Variants in FRMD8 observed in about 807,000 individuals in gnomAD.
The protein encoded by FRMD8 is FERM domain-containing protein 8.
FRMD8 carries 37 observed loss-of-function variants against 54.2 expected under a neutral mutation model. That is an observed-to-expected ratio of 0.68 (90% CI 0.53 to 0.90). FRMD8 has a LOEUF of 0.90. Among genes scored for constraint, FRMD8 ranks in the 40% least tolerant of loss-of-function variants. The pLI is 0.00. For missense variants in FRMD8, 585 were observed against 653.7 expected, an observed-to-expected ratio of 0.89 and a Z score of 1.15; for synonymous variants, 246 against 286.9, an observed-to-expected ratio of 0.86 and a Z score of 1.44.
the FRMD8 span, chr11:65,376,886 G>T: frequency 6.2e-7 from 1 of 1,614,188 alleles, no homozygotes; most frequent in Non-Finnish European, 8.5e-7. Context: ...GATCCCCACC[G>T]TGGGGGTGTC....
At chr11:65,398,716 C>T (rs193087658) in intron 7 of FRMD8, among the ~76,000 whole-genome samples, 324 of 152,248 alleles carry the variant, frequency 2.1e-3, no homozygotes, top group African/African-American at 7.5e-3. Context: ...GTGTGCTGAC[C>T]GGCAGGTGGC....
At chr11:65,387,728 C>T (rs1304720666) in intron 2 of FRMD8, among the ~76,000 whole-genome samples, 4 of 151,906 alleles carry the variant, frequency 2.6e-5, no homozygotes, top group Admixed American at 6.5e-5. Flanking sequence ...TTAGTAGAGA[C>T]GGGGTTTCAT....
Position 65,387,053 on chromosome 11 carries a change from G to A in FRMD8, c.17G>A (p.Gly6Asp). The A allele has an allele frequency of 6.2e-7, 1 of 1,609,240 alleles. No individual in the cohort carries two copies. Among genetic ancestry groups the A allele is most frequent in the Non-Finnish European group, 8.5e-7 (1 of 1,179,984 alleles). ...CCTTTGCAGATGGACGGGACAGAAG[G>A]CAGTGCCGGGCAGCCCGGCCCCGCT... MDGTE[G>D]SAGQPGPAER... Residue 6 changes from glycine (G) to aspartate (D), a missense_variant, in exon 2 of 11, where the codon GGC (glycine) becomes GAC (aspartate). Physicochemically the swap from Gly to Asp is moderately conservative, Grantham distance 94. Coordinates refer to ENST00000317568, the MANE Select transcript of FRMD8 (RefSeq NM_031904.5).
Position 65,411,441 on chromosome 11 carries a change from A to G in FRMD8, c.*81A>G, listed in dbSNP as rs1856330573. 2 of 912,706 alleles carry G rather than the reference A, an allele frequency of 2.2e-6. No individual in the cohort carries two copies. Among genetic ancestry groups the G allele is most frequent in the Admixed American group, 3.0e-5 (1 of 33,214 alleles). 56.5% of individuals were successfully genotyped at this position (912,706 alleles called of 1,614,324 possible). A position where few individuals can be genotyped will look rare whatever the true frequency, so the allele number is the denominator to read the frequency against. On this transcript the variant is annotated 3_prime_UTR_variant, in exon 11 of 11. Transcript: ENST00000317568. ...TCCTGAGGGGCAGGCGCCGGCTGCA[A>G]CAGTCTCATGGGTCACCACGTGGGG...
At chr11:65,405,849 A>G (rs1416175214) in intron 10 of FRMD8, among the ~76,000 whole-genome samples, 4 of 152,006 alleles carry the variant, frequency 2.6e-5, no homozygotes, top group African/African-American at 9.6e-5. Context: ...AAATATACTT[A>G]AACTTAGCTG....
chr11:65,371,640 A>G, the FRMD8 span, among the ~76,000 whole-genome samples: 2 of 152,340 alleles, frequency 1.3e-5, no homozygotes, highest in Non-Finnish European at 2.9e-5. Flanking sequence ...TTTGAGACGA[A>G]GTCTCGCTCT....
chr11:65,401,824 CTTTTTTTTTTTTT>C (rs61275056), intron 9 of FRMD8, among the ~76,000 whole-genome samples: 53 of 119,762 alleles, frequency 4.4e-4, no homozygotes, highest in Non-Finnish European at 8.7e-4. Context: ...TCACAATTTT[CTTTTTTTTTTTTT>C]TTTTTTGAGA....
rs146317650 is a variant in FRMD8 at position 65,396,870 on chromosome 11, G to A, written c.653G>A (p.Gly218Asp). Residue 218 changes from glycine to aspartate, a missense_variant, in exon 7 of 11, where the codon GGC (glycine) becomes GAC (aspartate). Coordinates refer to ENST00000317568, the MANE Select transcript of FRMD8 (RefSeq NM_031904.5). ...CAGAGTCTCTTTGCTGCCCTCCGGGGCCGTGGGGCCAGGGCCGGGCCGGGC... is the reference window on the plus strand; with the variant it reads ...CAGAGTCTCTTTGCTGCCCTCCGGGACCGTGGGGCCAGGGCCGGGCCGGGC... ...RGQSLFAALR[G>D]RGARAGPGEQ... 7 of 1,559,272 alleles carry A rather than the reference G, an allele frequency of 4.5e-6. No homozygotes were observed. The highest frequency in any genetic ancestry group is 2.8e-5 in the African/African-American group (2 of 72,596).
chr11:65,411,169 TG>T, intron 10 of FRMD8, 72 bp from the exon 11 acceptor site: 1 of 1,293,086 alleles, frequency 7.7e-7, no homozygotes, highest in Non-Finnish European at 1.1e-6. Context: ...AGCCAGAACC[TG>T]GCTTCCTGGG....
chr11:65,405,828 C>T (rs1272162121), intron 10 of FRMD8, among the ~76,000 whole-genome samples: 1 of 151,944 alleles, frequency 6.6e-6, no homozygotes, highest in Non-Finnish European at 1.5e-5. Context: ...GAGTGAGACC[C>T]TGTCTCTACA....
Position 65,393,577 on chromosome 11 carries a change from G to A in FRMD8, c.258G>A (p.Val86=), listed in dbSNP as rs760806395. ...ACTCCCCATCTCGTCCTGCAGAGGT[G>A]CAGCTGAAACCCAAGCACCAGCCCT... ...ALWLVSPLLE[V]QLKPKHQPYK... is the part of the protein sequence containing the mutation. The change falls in exon 4 of 11, where the codon GTG becomes GTA. Residue 86 remains valine, a synonymous_variant. Transcript: ENST00000317568. The A allele has an allele frequency of 6.2e-7, 1 of 1,607,906 alleles. No homozygotes were observed.
chr11:65,399,022 G>A (rs564776095), intron 7 of FRMD8, among the ~76,000 whole-genome samples: 7 of 142,242 alleles, frequency 4.9e-5, no homozygotes, highest in African/African-American at 1.8e-4. Context: ...TTTTGAGATG[G>A]AGTCTCGCTC....
rs141799425 is a variant in FRMD8, at chr11:65,399,850, C to T, written c.918C>T (p.Ser306=). The change falls in exon 8 of 11, where the codon AGC becomes AGT. Residue 306 remains serine, a synonymous_variant. Coordinates refer to ENST00000317568, the MANE Select transcript of FRMD8 (RefSeq NM_031904.5). ...ISLEGVHVID[S]REKHVLLGLR... ...TGGAAGGCGTGCACGTCATCGATAG[C>T]AGAGAGAAGGTACTGCCCCCAGCTC... 203 of 1,613,036 alleles carry T rather than the reference C, an allele frequency of 1.3e-4. No homozygotes were observed. Among genetic ancestry groups the T allele is most frequent in the Non-Finnish European group, 1.6e-4 (192 of 1,179,558 alleles).
At chr11:65,396,297 G>C (rs972313427) in intron 6 of FRMD8, among the ~76,000 whole-genome samples, 4 of 152,184 alleles carry the variant, frequency 2.6e-5, no homozygotes, top group African/African-American at 9.7e-5. Context: ...GGTGGGGCCC[G>C]GGTTCCTGTT....
At chr11:65,374,359 T>TG in the FRMD8 span, among the ~76,000 whole-genome samples, 5 of 120,416 alleles carry the variant, frequency 4.2e-5, no homozygotes, top group South Asian at 5.4e-4. Flanking sequence ...GCAGGGTAGC[T>TG]AAGTAACTGG....
intron 1 of FRMD8, 44 bp from the exon 2 acceptor site, chr11:65,386,993 C>A (rs142241454): frequency 1.3e-6 from 2 of 1,548,996 alleles, no homozygotes; most frequent in East Asian, 2.3e-5. Flanking sequence ...TCCAGCCCCC[C>A]ATCCCTGGCT....
the FRMD8 span, chr11:65,379,287 G>T: frequency 1.3e-6 from 2 of 1,485,404 alleles, no homozygotes; most frequent in South Asian, 2.3e-5. Flanking sequence ...TGCCTCCACA[G>T]CTGTGGGTCG....
In FRMD8 at chr11:65,411,366, C is replaced by T; in HGVS notation, c.*6C>T. On this transcript the variant is annotated 3_prime_UTR_variant, in exon 11 of 11. Coordinates refer to ENST00000317568, the MANE Select transcript of FRMD8 (RefSeq NM_031904.5). Reference sequence around the variant, plus strand: ...ACAGCCTGGAGCAGGGCTGAGGACGCTGCACCCGGCAGGAGGAGGGCGACT... The same window carrying T: ...ACAGCCTGGAGCAGGGCTGAGGACGTTGCACCCGGCAGGAGGAGGGCGACT... 6.4e-7 allele frequency: 1 copy of T among 1,558,304 alleles called. No individual in the cohort carries two copies. Among genetic ancestry groups the T allele is most frequent in the Non-Finnish European group, 8.7e-7 (1 of 1,147,788 alleles).
upstream of FRMD8, among the ~76,000 whole-genome samples, chr11:65,384,951 T>A (rs553396580): frequency 1.3e-5 from 2 of 152,254 alleles, no homozygotes; most frequent in African/African-American, 4.8e-5. Context: ...CCTCAGGCGA[T>A]CCTCCTGCCT....
Sources: allele counts gnomAD v4.1 joint callset (sites outside exome capture counted in the v4.1 genomes callset), GRCh38; gene constraint gnomAD v4.1.1; transcripts MANE v1.5; gene names NCBI Gene and HGNC (gene_info 2026-07-23, HGNC 2026-07-21).